CCDC178: variants seen among roughly 807,000 people sequenced by gnomAD.
CCDC178 encodes the protein coiled-coil domain-containing protein 178.
CCDC178 carries 126 observed loss-of-function variants against 117.4 expected under a neutral mutation model. The observed-to-expected ratio is 1.07, with a 90% CI of 0.93 to 1.24. CCDC178 has a LOEUF of 1.24. CCDC178 is among the 50% of genes most tolerant of loss of function. The pLI is 0.00. For missense variants in CCDC178, 1,030 were observed against 986.9 expected (o/e 1.04, Z -0.59); for synonymous variants, 283 against 313.4 (o/e 0.90, Z 1.02).
chr18:33,416,724 A>G (rs1042966608), intron 2 of CCDC178, among the ~76,000 whole-genome samples: 1 of 152,146 alleles, frequency 6.6e-6, no homozygotes, highest in Non-Finnish European at 1.5e-5. Flanking sequence ...GGGTAGTGTG[A>G]GACATTACTT....
At chr18:33,040,215 A>T (rs2056522574) in intron 21 of CCDC178, among the ~76,000 whole-genome samples, 2 of 151,988 alleles carry the variant, frequency 1.3e-5, no homozygotes, top group African/African-American at 2.4e-5. Context: ...GAGGAATAAG[A>T]CCAAAATATC....
intron 20 of CCDC178, among the ~76,000 whole-genome samples, chr18:33,206,404 CA>C (rs1206362252): frequency 6.6e-5 from 10 of 150,742 alleles, no homozygotes; most frequent in African/African-American, 2.4e-4. Flanking sequence ...AATTAAAAAA[CA>C]AAAAAGAATA....
chr18:33,371,218 C>T (rs2063293864), intron 5 of CCDC178, among the ~76,000 whole-genome samples: 1 of 151,952 alleles, frequency 6.6e-6, no homozygotes, highest in Middle Eastern at 3.4e-3. Flanking sequence ...TGGCATGTTT[C>T]ATTTATAAAT....
chr18:33,191,324 T>C (rs1183533794), intron 20 of CCDC178, among the ~76,000 whole-genome samples: 3 of 152,170 alleles, frequency 2.0e-5, no homozygotes, highest in African/African-American at 7.2e-5. Flanking sequence ...GCTTAATTCA[T>C]GGTAAATTGT....
In CCDC178 at chr18:33,174,063, C is replaced by T. The variant is rs2058635399; in HGVS notation, c.2238+37833G>A. 3.3e-5 allele frequency among the ~76,000 whole-genome samples: 5 copies of T among 152,120 alleles called. 1 individual carries two copies. The South Asian group carries it at 1.0e-3, about 32-fold the overall frequency. On this transcript the variant is annotated intron_variant, in intron 20 of 22. Transcript: ENST00000383096. ...TTGGCTCACGGTTCTGCAGGCTGTA[C>T]AGGAAGCACAGTGGCATCTGCTTCT...
intron 6 of CCDC178, among the ~76,000 whole-genome samples, chr18:33,362,248 C>T (rs975030449): frequency 7.3e-5 from 11 of 150,488 alleles, no homozygotes; most frequent in Non-Finnish European, 1.3e-4. Flanking sequence ...CTGTTATTTG[C>T]CACAACATGA....
chr18:32,940,300 A>G (rs1225405614), intron 22 of CCDC178, among the ~76,000 whole-genome samples: 1 of 152,072 alleles, frequency 6.6e-6, no homozygotes, highest in Non-Finnish European at 1.5e-5. Context: ...GTCAGCATAT[A>G]GTCATATATT....
intron 12 of CCDC178, among the ~76,000 whole-genome samples, chr18:33,276,798 G>A (rs2059956485): frequency 6.6e-6 from 1 of 151,966 alleles, no homozygotes; most frequent in African/African-American, 2.4e-5. Flanking sequence ...AACAATTCAA[G>A]GTTCAAATTA....
In CCDC178 at chr18:33,315,447, G is replaced by A. The variant is rs571917848; in HGVS notation, c.1022+8044C>T. 3.3e-5 allele frequency among the ~76,000 whole-genome samples: 5 copies of A among 152,210 alleles called. No individual in the cohort carries two copies. The South Asian group carries it at 6.2e-4, about 19-fold the overall frequency. ...AAACAGGCCAGCCCTGATTTCACCC[G>A]GTTTCTACCCTTCCTGAGCCCTTTA... On this transcript the variant is annotated intron_variant, in intron 11 of 22. Transcript: ENST00000383096.
intron 20 of CCDC178, among the ~76,000 whole-genome samples, chr18:33,143,546 C>A (rs1203215762): frequency 6.6e-6 from 1 of 152,066 alleles, no homozygotes; most frequent in Non-Finnish European, 1.5e-5. Context: ...GGTGCAGCTT[C>A]AACTTTGGTA....
intron 2 of CCDC178, among the ~76,000 whole-genome samples, chr18:33,432,311 C>A (rs1243651800): frequency 1.8e-5 from 1 of 55,730 alleles, no homozygotes; most frequent in East Asian, 3.4e-3. Flanking sequence ...TCTTTACATA[C>A]TCCGTTTCTG....
chr18:33,297,355 A>G (rs539675265), intron 11 of CCDC178, among the ~76,000 whole-genome samples: 3 of 152,210 alleles, frequency 2.0e-5, no homozygotes, highest in African/African-American at 7.2e-5. Context: ...AATAAAATTG[A>G]GACTAAAAAA....
intron 12 of CCDC178, 82 bp downstream of exon 12, chr18:33,293,077 A>C (rs1444294841): frequency 1.0e-6 from 1 of 964,698 alleles, no homozygotes; most frequent in Non-Finnish European, 1.5e-6. Flanking sequence ...GCCAATTGCT[A>C]TTTAATTATT....
chr18:33,112,307 C>T (rs928931728), intron 20 of CCDC178, among the ~76,000 whole-genome samples: 4 of 151,796 alleles, frequency 2.6e-5, no homozygotes, highest in East Asian at 1.9e-4. Flanking sequence ...ACTGTAGCAA[C>T]ATTCTCTGCC....
chr18:33,267,859 G>A lies in CCDC178; in HGVS notation c.1177-562C>T, dbSNP rs116692385. Reference sequence around the variant, plus strand: ...TTTTGGTAAAATGGCTGGATATAAGGATTAGGAAATGAATAGCTTTTATCT... The same window carrying A: ...TTTTGGTAAAATGGCTGGATATAAGAATTAGGAAATGAATAGCTTTTATCT... On this transcript the variant is annotated intron_variant, in intron 12 of 22. Coordinates refer to ENST00000383096, the MANE Select transcript of CCDC178 (RefSeq NM_001105528.4). 7.7e-3 allele frequency among the ~76,000 whole-genome samples: 1,170 copies of A among 151,462 alleles called. 15 individuals are homozygous for A. The highest frequency in any genetic ancestry group is 0.027 in the African/African-American group (1,118 of 41,476).
intron 11 of CCDC178, among the ~76,000 whole-genome samples, 178 bp from the exon 12 acceptor site, chr18:33,293,490 C>A (rs959610853): frequency 3.4e-5 from 2 of 58,690 alleles, no homozygotes; most frequent in Non-Finnish European, 7.2e-5. Flanking sequence ...AGAGACAATG[C>A]CTTTACAAAA....
At chr18:33,030,908 A>G (rs1029830427) in intron 21 of CCDC178, among the ~76,000 whole-genome samples, 1 of 152,142 alleles carries the variant, frequency 6.6e-6, no homozygotes, top group Admixed American at 6.6e-5. Context: ...GGAAGCTGGT[A>G]GCATGGCTCA....
chr18:33,406,756 T>A (rs1019400032), intron 3 of CCDC178, among the ~76,000 whole-genome samples: 4 of 152,128 alleles, frequency 2.6e-5, no homozygotes, highest in Admixed American at 2.6e-4. Flanking sequence ...TAATCCATAC[T>A]TTCCCATGGG....
At chr18:33,370,236 T>A (rs1348838445) in intron 5 of CCDC178, 47 bp from the exon 6 acceptor site, 8 of 1,416,460 alleles carry the variant, frequency 5.6e-6, no homozygotes, top group Non-Finnish European at 7.6e-6. Flanking sequence ...TACAAAGTAG[T>A]AAATTTTGAT....
Sources: gnomAD v4.1 joint callset for allele counts (sites outside exome capture counted in the v4.1 genomes callset) on GRCh38, gnomAD v4.1.1 for gene constraint, MANE v1.5 for transcripts, NCBI Gene and HGNC (gene_info 2026-07-23, HGNC 2026-07-21) for gene names.